The following TRAF3IP1 variants were observed in gnomAD, a reference collection of about 807,000 sequenced individuals.
TRAF3IP1 encodes the protein TRAF3-interacting protein 1.
A neutral mutation model predicts 89.9 loss-of-function variants in TRAF3IP1; 53 were observed. The ratio of observed to expected loss-of-function variants is 0.59; its 90% CI spans 0.47 to 0.74. The LOEUF (loss-of-function observed/expected upper bound fraction) is 0.74, where lower values mean the gene tolerates loss of function less well. TRAF3IP1 is among the 30% of genes least tolerant of loss of function. TRAF3IP1 has a pLI of 0.00. For synonymous variants in TRAF3IP1, 311 were observed against 322.1 expected, an observed-to-expected ratio of 0.97 and a Z score of 0.37; for missense variants, 806 against 866.1, an observed-to-expected ratio of 0.93 and a Z score of 0.87.
At position 238,351,960 on chromosome 2, in the gene TRAF3IP1, C is replaced by T. The variant is rs2572858; in HGVS notation, c.1452-867C>T. ...GTGCACGCATGCAGCACTGCGATAA[C>T]GGGGCAGGGGGAGTTAGGTGATTGC... On this transcript the variant is annotated intron_variant, in intron 12 of 16. Coordinates refer to ENST00000373327, the MANE Select transcript of TRAF3IP1 (RefSeq NM_015650.4). The surrounding 1 kb of genome is among the most constrained non-coding windows in gnomAD (Gnocchi z 5.2). Among the ~76,000 whole-genome samples, 38,436 of 151,302 alleles carry T rather than the reference C, an allele frequency of 0.25. 5,916 individuals carry two copies. Among genetic ancestry groups the T allele is most frequent in the Middle Eastern group, 0.45 (130 of 292 alleles).
At position 238,368,317 on chromosome 2, in the gene TRAF3IP1, A is replaced by G. The variant is rs191878676; in HGVS notation, c.1689+12237A>G. Among the ~76,000 whole-genome samples the G allele has an allele frequency of 2.0e-5, 3 of 152,328 alleles. No individual in the cohort carries two copies. The East Asian group carries it at 5.8e-4, about 29-fold the overall frequency. On this transcript the variant is annotated intron_variant, in intron 15 of 16. Coordinates refer to ENST00000373327, the MANE Select transcript of TRAF3IP1 (RefSeq NM_015650.4). ...ATAGGGGATATTTTAGAGTAAAGAA[A>G]CACTAAGATTCTTGGCATTAAAATG...
intron 6 of TRAF3IP1, among the ~76,000 whole-genome samples, chr2:238,333,359 G>T (rs1698220843): frequency 6.6e-6 from 1 of 152,162 alleles, no homozygotes; most frequent in South Asian, 2.1e-4. Flanking sequence ...GGGCCGTCTT[G>T]TGGAGGTTAC....
chr2:238,331,987 G>C (rs1371479937), intron 5 of TRAF3IP1, among the ~76,000 whole-genome samples: 1 of 152,210 alleles, frequency 6.6e-6, no homozygotes, highest in Non-Finnish European at 1.5e-5. Flanking sequence ...AAAACACTTG[G>C]AAAATTAAGA....
chr2:238,321,892 C>A lies in TRAF3IP1; in HGVS notation c.123+1107C>A, dbSNP rs535774415. On this transcript the variant is annotated intron_variant, in intron 1 of 16. Transcript: ENST00000373327. ...CAACAGGTTGGGTGCCTTATTCTTG[C>A]ACAGACTTTGCTTTACTGGTTCTGC... 3.9e-5 allele frequency among the ~76,000 whole-genome samples: 6 copies of A among 152,336 alleles called. No individual in the cohort carries two copies. The East Asian group carries it at 7.7e-4, about 20-fold the overall frequency.
intron 14 of TRAF3IP1, 33 bp downstream of exon 14, chr2:238,353,242 C>G (rs1699252850): frequency 6.2e-7 from 1 of 1,612,408 alleles, no homozygotes; most frequent in Non-Finnish European, 8.5e-7. Context: ...CATGTATGTC[C>G]ATGTGTGTGT....
At chr2:238,380,938 A>G (rs1006911491) in intron 15 of TRAF3IP1, among the ~76,000 whole-genome samples, 4 of 152,172 alleles carry the variant, frequency 2.6e-5, no homozygotes, top group South Asian at 2.1e-4. Flanking sequence ...AATATCTTCC[A>G]TAGAGACTTA....
At chr2:238,344,898 G>A (rs998181730) in intron 9 of TRAF3IP1, among the ~76,000 whole-genome samples, 1 of 152,170 alleles carries the variant, frequency 6.6e-6, no homozygotes, top group Non-Finnish European at 1.5e-5. Context: ...GTCACTACTT[G>A]GAGAGCCCCA....
rs1367384726 is a variant in TRAF3IP1 at position 238,344,773 on chromosome 2, G to A, written c.1261+175G>A. 5 of 700,134 alleles carry A rather than the reference G, an allele frequency of 7.1e-6. No individual in the cohort carries two copies. In the African/African-American group the frequency reaches 8.8e-5, roughly 12 times the overall value. 43.4% of individuals were successfully genotyped at this position (700,134 alleles called of 1,614,324 possible). A position where few individuals can be genotyped will look rare whatever the true frequency, so the allele number is the denominator to read the frequency against. On this transcript the variant is annotated intron_variant, in intron 9 of 16. Coordinates refer to ENST00000373327, the MANE Select transcript of TRAF3IP1 (RefSeq NM_015650.4). Reference sequence around the variant, plus strand: ...TGCATAAACTAGAATCGAACATGGTGGTTTCTTGATAGCATGGGACCCACT... The same window carrying A: ...TGCATAAACTAGAATCGAACATGGTAGTTTCTTGATAGCATGGGACCCACT...
chr2:238,389,410 A>C (rs931806876), intron 15 of TRAF3IP1, among the ~76,000 whole-genome samples: 9 of 150,226 alleles, frequency 6.0e-5, no homozygotes, highest in African/African-American at 2.0e-4. Flanking sequence ...AGTGTCTATT[A>C]TTTCCATCTT....
chr2:238,358,716 C>T (rs990742830), intron 15 of TRAF3IP1, among the ~76,000 whole-genome samples: 1 of 152,176 alleles, frequency 6.6e-6, no homozygotes, highest in Non-Finnish European at 1.5e-5. Flanking sequence ...CTTCATGCAG[C>T]ATGTTTCTCT....
In TRAF3IP1 at chr2:238,400,689, G is replaced by C. The variant is rs1029779596; in HGVS notation, c.*1770G>C. 1 of 152,122 alleles carries C rather than the reference G, an allele frequency of 6.6e-6. No individual in the cohort carries two copies. The highest frequency in any genetic ancestry group is 1.5e-5 in the Non-Finnish European group (1 of 68,034). The allele number at this position is 152,122 out of a possible 1,614,324, so 9.4% of individuals were successfully genotyped here. A position where few individuals can be genotyped will look rare whatever the true frequency, so the allele number is the denominator to read the frequency against. Reference sequence around the variant, plus strand: ...CTTTTCTACTGAATCAAATGACTTAGCCATGACCCTGAATGGACCTTGTTT... The same window carrying C: ...CTTTTCTACTGAATCAAATGACTTACCCATGACCCTGAATGGACCTTGTTT... On this transcript the variant is annotated 3_prime_UTR_variant, in exon 17 of 17. Transcript: ENST00000373327.
At chr2:238,373,471 T>C (rs1700190719) in intron 15 of TRAF3IP1, among the ~76,000 whole-genome samples, 1 of 152,166 alleles carries the variant, frequency 6.6e-6, no homozygotes, top group South Asian at 2.1e-4. Flanking sequence ...CTGAGGCCTC[T>C]GTTCTGTTCC....
chr2:238,367,154 ACT>A (rs1362257629), intron 15 of TRAF3IP1, among the ~76,000 whole-genome samples: 62 of 91,686 alleles, frequency 6.8e-4, no homozygotes, highest in Admixed American at 2.1e-3. Context: ...ACAAAGCAAG[ACT>A]CTGTCTCAAA....
At chr2:238,344,742 C>T (rs1371760532) in intron 9 of TRAF3IP1, 144 bp downstream of exon 9, 7 of 741,536 alleles carry the variant, frequency 9.4e-6, no homozygotes, top group Non-Finnish European at 1.7e-5. Context: ...TTCACTTCTG[C>T]CTTTTTGCAT....
At chr2:238,341,301 C>T (rs1241835770) in intron 8 of TRAF3IP1, among the ~76,000 whole-genome samples, 1 of 151,718 alleles carries the variant, frequency 6.6e-6, no homozygotes, top group African/African-American at 2.4e-5. Flanking sequence ...GGATTACAGG[C>T]ATAAGCCAGC....
chr2:238,356,421 T>C (rs1965147), intron 15 of TRAF3IP1, among the ~76,000 whole-genome samples: 110,596 of 151,970 alleles, frequency 0.73, 40,472 homozygotes, highest in Middle Eastern at 0.79. Flanking sequence ...CGCTTGAACC[T>C]GGGAGGTGGA....
At chr2:238,341,546 TAAAAA>T (rs75778043) in intron 8 of TRAF3IP1, among the ~76,000 whole-genome samples, 84 of 137,564 alleles carry the variant, frequency 6.1e-4, no homozygotes, top group South Asian at 1.9e-3. Flanking sequence ...TTTTTTTTTT[TAAAAA>T]AAAAACACTG....
chr2:238,345,670 G>T lies in TRAF3IP1; in HGVS notation c.1261+1072G>T, dbSNP rs182887610. On this transcript the variant is annotated intron_variant, in intron 9 of 16. Coordinates refer to ENST00000373327, the MANE Select transcript of TRAF3IP1 (RefSeq NM_015650.4). This position sits in a 1 kb window ranked among gnomAD's most constrained non-coding sequence, Gnocchi z 4.7. ...CTGGACTGTGGAGGCGCCCTGGGAG[G>T]GGAGAAGTGGTAGGATTCCAGGGCT... Among the ~76,000 whole-genome samples the T allele has an allele frequency of 4.1e-4, 63 of 152,308 alleles. No individual in the cohort carries two copies. The Middle Eastern group carries it at 0.01, about 25-fold the overall frequency.
In TRAF3IP1 at chr2:238,324,911, T is replaced by TA. The variant is rs560054181; in HGVS notation, c.124-395_124-394insA. On this transcript the variant is annotated intron_variant, in intron 1 of 16. Coordinates refer to ENST00000373327, the MANE Select transcript of TRAF3IP1 (RefSeq NM_015650.4). ...GCCACCACACCCAGCCGTGTGGACT[T>TA]TCTTATGTTTGGCATGTGCATCCGA... Among the ~76,000 whole-genome samples, 31 of 152,282 alleles carry TA rather than the reference T, an allele frequency of 2.0e-4. No individual in the cohort carries two copies. The South Asian group carries it at 5.8e-3, about 29-fold the overall frequency.
Sources: gnomAD v4.1 joint callset for allele counts (sites outside exome capture counted in the v4.1 genomes callset) on GRCh38, gnomAD v4.1.1 for gene constraint, Gnocchi (gnomAD v3.1) non-coding constraint, MANE v1.5 for transcripts, NCBI Gene and HGNC (gene_info 2026-07-23, HGNC 2026-07-21) for gene names.